The following TRAPPC13 variants were observed in gnomAD, a reference collection of about 807,000 sequenced individuals.
The protein encoded by TRAPPC13 is REV7-interacting novel NHEJ regulator 1.
In TRAPPC13, 39 loss-of-function variants were observed where a neutral mutation model predicts 54.0. The observed-to-expected ratio is 0.72, with a 90% CI of 0.56 to 0.94. The LOEUF (loss-of-function observed/expected upper bound fraction) is 0.94. Ranked by LOEUF, TRAPPC13 falls within the 40% of genes least tolerant of loss-of-function variation. TRAPPC13 has a pLI of 0.00. For missense variants in TRAPPC13, 386 were observed against 488.1 expected, an observed-to-expected ratio of 0.79 and a Z score of 1.97; for synonymous variants, 148 against 167.7, an observed-to-expected ratio of 0.88 and a Z score of 0.91.
At chr5:65,658,347 A>T in intron 8 of TRAPPC13, 21 bp from the exon 9 acceptor site, 1 of 1,575,124 alleles carries the variant, frequency 6.3e-7, no homozygotes, top group Admixed American at 1.9e-5. Flanking sequence ...ACCTTGGTGG[A>T]TATTTTTTTC....
In TRAPPC13 at chr5:65,641,473, G is replaced by A. The variant is rs938250652; in HGVS notation, c.300+3693G>A. Among the ~76,000 whole-genome samples the A allele has an allele frequency of 5.9e-5, 9 of 152,148 alleles. 1 individual carries two copies. Among genetic ancestry groups the A allele is most frequent in the African/African-American group, 2.2e-4 (9 of 41,442 alleles). ...TAATCCAGCACTTTGGGAGACCAAG[G>A]CAGGAGGAGCCCTTGAATCCAGGAG... On this transcript the variant is annotated intron_variant, in intron 4 of 12. Coordinates refer to ENST00000399438, the MANE Select transcript of TRAPPC13 (RefSeq NM_024941.4).
At chr5:65,659,278 C>G (rs1297240063) in intron 9 of TRAPPC13, among the ~76,000 whole-genome samples, 1 of 152,182 alleles carries the variant, frequency 6.6e-6, no homozygotes, top group Non-Finnish European at 1.5e-5. Context: ...AAATATATAA[C>G]ATGTATCCAC....
At chr5:65,649,506 A>AT (rs1756342525) in intron 5 of TRAPPC13, among the ~76,000 whole-genome samples, 1 of 152,148 alleles carries the variant, frequency 6.6e-6, no homozygotes, top group Non-Finnish European at 1.5e-5. Context: ...CTTATAAAGA[A>AT]TTTTTTCAAC....
chr5:65,655,308 C>T (rs1756609786), intron 7 of TRAPPC13, among the ~76,000 whole-genome samples: 1 of 152,118 alleles, frequency 6.6e-6, no homozygotes, highest in Admixed American at 6.6e-5. Context: ...TGAAGAATTG[C>T]AATGTTGGTA....
chr5:65,640,674 T>C (rs1325843478), intron 4 of TRAPPC13, among the ~76,000 whole-genome samples: 1 of 152,202 alleles, frequency 6.6e-6, no homozygotes, highest in Non-Finnish European at 1.5e-5. Context: ...ATTCAGTAAA[T>C]ACTGGCAATT....
At chr5:65,628,752 T>G (rs1357725155) in intron 1 of TRAPPC13, among the ~76,000 whole-genome samples, 1 of 152,142 alleles carries the variant, frequency 6.6e-6, no homozygotes. Context: ...ATTACAGGCA[T>G]GAGCCACCGC....
At chr5:65,657,031 C>T (rs1756680396) in intron 8 of TRAPPC13, among the ~76,000 whole-genome samples, 2 of 150,870 alleles carry the variant, frequency 1.3e-5, no homozygotes, top group African/African-American at 4.9e-5. Flanking sequence ...GAGAGGAGAT[C>T]TTGCCACTGC....
At chr5:65,658,278 A>AT (rs1756721315) in intron 8 of TRAPPC13, 90 bp from the exon 9 acceptor site, 1 of 1,307,572 alleles carries the variant, frequency 7.6e-7, no homozygotes, top group African/African-American at 1.5e-5. Context: ...TGTGGTTAAT[A>AT]TTTTTTCTTC....
chr5:65,638,952 CGT>C (rs1356191697), intron 4 of TRAPPC13, among the ~76,000 whole-genome samples: 1 of 152,044 alleles, frequency 6.6e-6, no homozygotes, highest in Non-Finnish European at 1.5e-5. Flanking sequence ...GGAGTGGTGG[CGT>C]GTGCTTGTAA....
intron 1 of TRAPPC13, among the ~76,000 whole-genome samples, chr5:65,627,695 T>G (rs924235208): frequency 5.3e-5 from 8 of 151,842 alleles, no homozygotes; most frequent in Non-Finnish European, 1.0e-4. Flanking sequence ...AATTTCTCAG[T>G]GCCATATTTT....
At chr5:65,646,933 C>A (rs1756232992) in intron 4 of TRAPPC13, 122 bp from the exon 5 acceptor site, 2 of 866,766 alleles carry the variant, frequency 2.3e-6, no homozygotes, top group Admixed American at 3.0e-5. Context: ...AAAAGTGTTG[C>A]TCCCCCTTTC....
intron 6 of TRAPPC13, among the ~76,000 whole-genome samples, chr5:65,651,655 T>C (rs1017473834): frequency 2.7e-5 from 3 of 113,064 alleles, no homozygotes; most frequent in East Asian, 5.1e-4. Context: ...GTGGGGGGGG[T>C]GGTGAGGAAA....
chr5:65,628,455 C>T (rs80241147), intron 1 of TRAPPC13, among the ~76,000 whole-genome samples: 1,629 of 151,692 alleles, frequency 0.011, 22 homozygotes, highest in African/African-American at 0.037. Context: ...TGGTGGAATC[C>T]ATATAATTTT....
At chr5:65,650,306 C>T (rs1348304350) in intron 5 of TRAPPC13, among the ~76,000 whole-genome samples, 1 of 151,346 alleles carries the variant, frequency 6.6e-6, no homozygotes, top group Non-Finnish European at 1.5e-5. Flanking sequence ...GGATTACAGG[C>T]GCCCACCACC....
At chr5:65,654,491 G>C (rs1756578379) in intron 7 of TRAPPC13, among the ~76,000 whole-genome samples, 1 of 152,048 alleles carries the variant, frequency 6.6e-6, no homozygotes, top group African/African-American at 2.4e-5. Context: ...GTCTCTCTAA[G>C]ATACTTAATA....
chr5:65,649,120 G>A (rs1756318010), intron 5 of TRAPPC13, among the ~76,000 whole-genome samples: 1 of 152,136 alleles, frequency 6.6e-6, no homozygotes, highest in South Asian at 2.1e-4. Context: ...GGAGACTGAG[G>A]CGGGAGGATT....
intron 7 of TRAPPC13, among the ~76,000 whole-genome samples, chr5:65,654,869 G>C (rs1357744880): frequency 2.0e-5 from 3 of 152,104 alleles, no homozygotes; most frequent in African/African-American, 7.2e-5. Flanking sequence ...AATATAAACA[G>C]AACATCTTCC....
In TRAPPC13 at chr5:65,664,657, C is replaced by A; in HGVS notation, c.*46C>A. 1 of 1,386,164 alleles carries A rather than the reference C, an allele frequency of 7.2e-7. No individual in the cohort carries two copies. Among genetic ancestry groups the A allele is most frequent in the Non-Finnish European group, 1.0e-6 (1 of 990,054 alleles). 85.9% of individuals were successfully genotyped at this position (1,386,164 alleles called of 1,614,324 possible). On this transcript the variant is annotated 3_prime_UTR_variant, in exon 13 of 13. Coordinates refer to ENST00000399438, the MANE Select transcript of TRAPPC13 (RefSeq NM_024941.4). ...CTTTTCATTTAGTTTCACAGAACTG[C>A]TCTTTTTGTTACCTTTGTAAAATGA...
chr5:65,635,154 T>G, intron 1 of TRAPPC13, 147 bp from the exon 2 acceptor site: 1 of 721,654 alleles, frequency 1.4e-6, no homozygotes, highest in Middle Eastern at 4.0e-4. Flanking sequence ...TGTGATAACC[T>G]TAGGAAGTAT....
Sources: gnomAD v4.1 joint callset for allele counts (sites outside exome capture counted in the v4.1 genomes callset) on GRCh38, gnomAD v4.1.1 for gene constraint, MANE v1.5 for transcripts, NCBI Gene and HGNC (gene_info 2026-07-23, HGNC 2026-07-21) for gene names.